HOMER1: variants seen among roughly 807,000 people sequenced by gnomAD.
The protein encoded by HOMER1 is homer scaffold protein 1.
A neutral mutation model predicts 48.9 loss-of-function variants in HOMER1; 3 were observed. The ratio of observed to expected loss-of-function variants is 0.06; its 90% CI spans 0.03 to 0.16. HOMER1 has a LOEUF of 0.16. HOMER1 is among the 10% of genes least tolerant of loss of function. The pLI is 1.00. For synonymous variants in HOMER1, 134 were observed against 146.4 expected, an observed-to-expected ratio of 0.92 and a Z score of 0.61; for missense variants, 247 against 411.4, an observed-to-expected ratio of 0.60 and a Z score of 3.46.
intron 5 of HOMER1, among the ~76,000 whole-genome samples, chr5:79,422,674 G>T (rs955854733): frequency 2.6e-5 from 4 of 151,694 alleles, no homozygotes; most frequent in African/African-American, 9.7e-5. Flanking sequence ...GAAAACACAG[G>T]ATTAAATATA....
At chr5:79,412,797 TA>T (rs1749843632) in intron 5 of HOMER1, among the ~76,000 whole-genome samples, 1 of 152,230 alleles carries the variant, frequency 6.6e-6, no homozygotes, top group Non-Finnish European at 1.5e-5. Flanking sequence ...TAGACAATGA[TA>T]GTTCAATAAA....
intron 4 of HOMER1, among the ~76,000 whole-genome samples, chr5:79,444,669 G>A (rs954954954): frequency 3.3e-5 from 5 of 152,070 alleles, no homozygotes; most frequent in South Asian, 2.1e-4. Flanking sequence ...TTAGAGAAAC[G>A]GGAACTAAGT....
chr5:79,426,045 G>GAA (rs777851353), intron 5 of HOMER1, among the ~76,000 whole-genome samples: 4 of 129,938 alleles, frequency 3.1e-5, no homozygotes, highest in Non-Finnish European at 5.1e-5. Flanking sequence ...GATGAAAATT[G>GAA]AAAAAAAAAA....
intron 5 of HOMER1, among the ~76,000 whole-genome samples, chr5:79,416,634 TGTGCACTGCTTGCCTGGCACA>T (rs901654782): frequency 2.0e-5 from 3 of 152,222 alleles, no homozygotes; most frequent in Non-Finnish European, 2.9e-5. Flanking sequence ...TGCTAACATC[TGTGCACTGCTTGCCTGGCACA>T]GTGCCTTCTG....
At chr5:79,463,865 A>G (rs78487169) in intron 1 of HOMER1, among the ~76,000 whole-genome samples, 8,257 of 152,298 alleles carry the variant, frequency 0.054, 557 homozygotes, top group East Asian at 0.19. Context: ...AAAATTCACC[A>G]CTAGTTGACT....
At chr5:79,506,141 T>C (rs1320888562) in intron 1 of HOMER1, among the ~76,000 whole-genome samples, 2 of 151,692 alleles carry the variant, frequency 1.3e-5, no homozygotes, top group Non-Finnish European at 2.9e-5. Context: ...TGAGATGGAG[T>C]TTCCCTCTGG....
chr5:79,507,360 C>T (rs911055783), intron 1 of HOMER1, among the ~76,000 whole-genome samples: 4 of 151,332 alleles, frequency 2.6e-5, no homozygotes, highest in Admixed American at 1.3e-4. Flanking sequence ...TATTCCTTAT[C>T]ACATGTAGAT....
intron 1 of HOMER1, among the ~76,000 whole-genome samples, chr5:79,476,221 T>C (rs1380209406): frequency 6.6e-6 from 1 of 152,152 alleles, no homozygotes; most frequent in Non-Finnish European, 1.5e-5. Context: ...GAAAGGGTTC[T>C]AAGAAAACAA....
intron 1 of HOMER1, among the ~76,000 whole-genome samples, chr5:79,464,569 T>C (rs1363909815): frequency 6.6e-6 from 1 of 152,252 alleles, no homozygotes; most frequent in South Asian, 2.1e-4. Flanking sequence ...GCACTGGAAT[T>C]TCCTAGAAAG....
In HOMER1 at chr5:79,489,393, C is replaced by T. The variant is rs903213371; in HGVS notation, c.5+23377G>A. 3.3e-5 allele frequency among the ~76,000 whole-genome samples: 5 copies of T among 152,138 alleles called. No individual in the cohort carries two copies. The South Asian group carries it at 1.0e-3, about 32-fold the overall frequency. ...CTAGCATTGAGACTTTGGGCAAAGT[C>T]CTCAGTTGCCTCATTTAAAAATAAC... is the stretch of plus-strand genomic sequence containing the variant. On this transcript the variant is annotated intron_variant, in intron 1 of 8. Coordinates refer to ENST00000334082, the MANE Select transcript of HOMER1 (RefSeq NM_004272.5).
At chr5:79,447,237 C>T in intron 3 of HOMER1, 92 bp from the exon 4 acceptor site, 1 of 753,538 alleles carries the variant, frequency 1.3e-6, no homozygotes, top group Admixed American at 2.1e-5. Flanking sequence ...TTCTGAATAA[C>T]TGACTCTACA....
intron 5 of HOMER1, among the ~76,000 whole-genome samples, chr5:79,426,300 A>G (rs1366038249): frequency 6.6e-6 from 1 of 152,122 alleles, no homozygotes; most frequent in Admixed American, 6.5e-5. Context: ...TCAGTATATC[A>G]AAAAGATATC....
chr5:79,379,384 T>C (rs1336308218), intron 8 of HOMER1, among the ~76,000 whole-genome samples: 1 of 115,176 alleles, frequency 8.7e-6, no homozygotes, highest in Admixed American at 1.2e-4. Flanking sequence ...TTATATATTT[T>C]ATATATTATA....
intron 1 of HOMER1, among the ~76,000 whole-genome samples, chr5:79,471,551 G>GAAAAAAAAAAAAA (rs55724615): frequency 5.6e-4 from 55 of 97,642 alleles, no homozygotes; most frequent in Non-Finnish European, 7.2e-4. Context: ...CCATCTCAAA[G>GAAAAAAAAAAAAA]AAAAAAAAAA....
chr5:79,472,004 T>C (rs1283671197), intron 1 of HOMER1, among the ~76,000 whole-genome samples: 1 of 152,200 alleles, frequency 6.6e-6, no homozygotes, highest in Non-Finnish European at 1.5e-5. Context: ...TTCCCTTTAT[T>C]TCTTTTATTC....
At chr5:79,489,887 A>G (rs1345263594) in intron 1 of HOMER1, among the ~76,000 whole-genome samples, 1 of 152,164 alleles carries the variant, frequency 6.6e-6, no homozygotes, top group Admixed American at 6.5e-5. Context: ...AATCCTCCAG[A>G]GATTCCCAAG....
intron 8 of HOMER1, among the ~76,000 whole-genome samples, chr5:79,379,096 AT>A (rs1436566408): frequency 1.7e-5 from 1 of 58,478 alleles, no homozygotes; most frequent in African/African-American, 1.3e-4. Flanking sequence ...ATATATATAT[AT>A]ATATATATAT....
intron 1 of HOMER1, among the ~76,000 whole-genome samples, chr5:79,484,045 C>CAAAAA (rs34704866): frequency 4.2e-5 from 3 of 72,248 alleles, no homozygotes; most frequent in Admixed American, 1.5e-4. Flanking sequence ...GACTCCATCT[C>CAAAAA]AAAAAAAAAA....
chr5:79,438,020 G>A (rs1436369652), intron 5 of HOMER1, among the ~76,000 whole-genome samples: 2 of 152,116 alleles, frequency 1.3e-5, no homozygotes, highest in Admixed American at 1.3e-4. Flanking sequence ...GTCTCCCAAT[G>A]TTAGCCTCTA....
Sources: gnomAD v4.1 joint callset for allele counts (sites outside exome capture counted in the v4.1 genomes callset) on GRCh38, gnomAD v4.1.1 for gene constraint, MANE v1.5 for transcripts, NCBI Gene and HGNC (gene_info 2026-07-23, HGNC 2026-07-21) for gene names.